PTK2B: variants seen among roughly 807,000 people sequenced by gnomAD.
The protein encoded by PTK2B is protein tyrosine kinase 2 beta, also known as protein-tyrosine kinase 2-beta.
PTK2B carries 71 observed loss-of-function variants against 142.9 expected under a neutral mutation model. The observed-to-expected ratio is 0.50, with a 90% CI of 0.41 to 0.61. The LOEUF is 0.61. PTK2B is among the 20% of genes least tolerant of loss of function. The probability of loss-of-function intolerance (pLI) is 0.00; values close to 1 mark genes in which losing one functional copy is unlikely to be tolerated. For synonymous variants in PTK2B, 519 were observed against 503.4 expected, an observed-to-expected ratio of 1.03 and a Z score of -0.42; for missense variants, 1,105 against 1,320.4, an observed-to-expected ratio of 0.84 and a Z score of 2.53.
At chr8:27,338,990 G>C (rs1424314274) in intron 1 of PTK2B, among the ~76,000 whole-genome samples, 1 of 152,010 alleles carries the variant, frequency 6.6e-6, no homozygotes, top group East Asian at 1.9e-4. Flanking sequence ...AATCAGCCTT[G>C]GTCTTTAATT....
At chr8:27,350,315 C>G (rs1804968918) in intron 1 of PTK2B, among the ~76,000 whole-genome samples, 1 of 152,156 alleles carries the variant, frequency 6.6e-6, no homozygotes, top group Admixed American at 6.5e-5. Flanking sequence ...GTTATTGAAA[C>G]CTTGAAGGTT....
At chr8:27,364,559 G>C (rs1200641953) in intron 1 of PTK2B, among the ~76,000 whole-genome samples, 1 of 152,196 alleles carries the variant, frequency 6.6e-6, no homozygotes, top group Admixed American at 6.5e-5. Context: ...GGTGTGAGGC[G>C]GGGAGACATT....
intron 1 of PTK2B, among the ~76,000 whole-genome samples, chr8:27,361,255 G>C (rs1015924288): frequency 4.3e-4 from 65 of 151,966 alleles, no homozygotes; most frequent in African/African-American, 1.6e-3. Context: ...GTCTTGCTCT[G>C]TTGCCCAGGC....
intron 1 of PTK2B, among the ~76,000 whole-genome samples, chr8:27,373,659 G>T (rs1225575721): frequency 6.6e-6 from 1 of 152,028 alleles, no homozygotes; most frequent in Non-Finnish European, 1.5e-5. Context: ...TCTAGCCTGG[G>T]TGACACAGCA....
chr8:27,387,465 T>C (rs1807437437), intron 1 of PTK2B, among the ~76,000 whole-genome samples: 1 of 152,212 alleles, frequency 6.6e-6, no homozygotes, highest in Non-Finnish European at 1.5e-5. Context: ...CACGGGACAG[T>C]CCTACAACCG....
At chr8:27,311,487 T>C (rs1802971152) in exon 1 of PTK2B, 1 of 551,916 alleles carries the variant, frequency 1.8e-6, no homozygotes, top group Admixed American at 3.7e-5. Flanking sequence ...TGCCCGCAGT[T>C]CCCGCCTCCT....
intron 1 of PTK2B, among the ~76,000 whole-genome samples, chr8:27,383,660 A>G (rs1409452580): frequency 6.6e-6 from 1 of 151,962 alleles, no homozygotes; most frequent in Admixed American, 6.6e-5. Context: ...TTATTTTATT[A>G]TGATTTTTGT....
chr8:27,335,198 G>A (rs945991024), intron 1 of PTK2B, among the ~76,000 whole-genome samples: 2 of 152,172 alleles, frequency 1.3e-5, no homozygotes, highest in Non-Finnish European at 2.9e-5. Flanking sequence ...TGGGAAGCTC[G>A]AGATTTGCAA....
At chr8:27,415,582 G>A (rs1262009687) in intron 2 of PTK2B, among the ~76,000 whole-genome samples, 2 of 152,208 alleles carry the variant, frequency 1.3e-5, no homozygotes, top group African/African-American at 4.8e-5. Context: ...AAACTGTGAT[G>A]AATGAGATCT....
At chr8:27,430,480 T>A (rs2241653) in intron 7 of PTK2B, 62 bp downstream of exon 7, 238,431 of 1,595,956 alleles carry the variant, frequency 0.15, 19,048 homozygotes, top group Admixed American at 0.24. Context: ...GTGTAAGGGA[T>A]GAGGCTGGGG....
intron 2 of PTK2B, among the ~76,000 whole-genome samples, chr8:27,401,452 A>T (rs896016593): frequency 3.9e-5 from 6 of 152,224 alleles, no homozygotes; most frequent in African/African-American, 1.4e-4. Context: ...TGGGGGCAGA[A>T]CACATTGTGC....
Position 27,371,159 on chromosome 8 carries a change from G to A in PTK2B, c.-37-26389G>A, listed in dbSNP as rs1008225830. Among the ~76,000 whole-genome samples the A allele has an allele frequency of 3.3e-5, 5 of 152,260 alleles. No individual in the cohort carries two copies. In the East Asian group the frequency reaches 5.8e-4, roughly 18 times the overall value. On this transcript the variant is annotated intron_variant, in intron 1 of 30. Coordinates refer to ENST00000346049, the MANE Select transcript of PTK2B (RefSeq NM_173176.3). Reference sequence around the variant, plus strand: ...ATACACCCGCCTCAGCCTCCCAAACGCTGGGATTACAGGCATGAGCCAACA... The same window carrying A: ...ATACACCCGCCTCAGCCTCCCAAACACTGGGATTACAGGCATGAGCCAACA...
chr8:27,447,712 TAGTC>T (rs1169241171), intron 24 of PTK2B, among the ~76,000 whole-genome samples: 9 of 151,886 alleles, frequency 5.9e-5, no homozygotes, highest in Admixed American at 1.3e-4. Context: ...TACAAAAAAT[TAGTC>T]AGGCATGGTA....
At chr8:27,442,781 G>C in intron 21 of PTK2B, 94 bp from the exon 22 acceptor site, 1 of 1,059,952 alleles carries the variant, frequency 9.4e-7, no homozygotes, top group Middle Eastern at 2.1e-4. Flanking sequence ...CCTTGCCCAG[G>C]CCTCTCTGGG....
Position 27,445,927 on chromosome 8 carries a change from G to C in PTK2B, c.2340+8G>C, listed in dbSNP as rs745345984. ...AAACGCCACAGCATGCGGGTAAGAG[G>C]GCTCTGCATGCTGGTCCCTGCCCGG... On this transcript the variant is annotated splice_region_variant and intron_variant, in intron 24 of 30. Coordinates refer to ENST00000346049, the MANE Select transcript of PTK2B (RefSeq NM_173176.3). 1 of 1,612,980 alleles carries C rather than the reference G, an allele frequency of 6.2e-7. No homozygotes were observed.
chr8:27,405,869 A>G (rs1213826849), intron 2 of PTK2B, among the ~76,000 whole-genome samples: 2 of 152,226 alleles, frequency 1.3e-5, no homozygotes, highest in Non-Finnish European at 2.9e-5. Flanking sequence ...TTTGTTCTTC[A>G]ATCACTTATT....
At chr8:27,311,249 G>C (rs536206083), upstream of PTK2B, 2 of 1,493,598 alleles carry the variant, frequency 1.3e-6, no homozygotes, top group Non-Finnish European at 8.9e-7. Flanking sequence ...ACGAGCAGCC[G>C]GCTCGGGCGC....
chr8:27,393,416 G>A (rs919491), intron 1 of PTK2B, among the ~76,000 whole-genome samples: 56,374 of 151,976 alleles, frequency 0.37, 11,251 homozygotes, highest in Middle Eastern at 0.5. Flanking sequence ...CTTGAGCTAT[G>A]TTGGTGACTG....
intron 1 of PTK2B, among the ~76,000 whole-genome samples, chr8:27,359,375 C>G (rs1805568837): frequency 6.6e-6 from 1 of 152,202 alleles, no homozygotes; most frequent in Non-Finnish European, 1.5e-5. Flanking sequence ...CTCAGCCTCC[C>G]AAAGTGCTGG....
Sources: allele counts gnomAD v4.1 joint callset (sites outside exome capture counted in the v4.1 genomes callset), GRCh38; gene constraint gnomAD v4.1.1; transcripts MANE v1.5; gene names NCBI Gene and HGNC (gene_info 2026-07-23, HGNC 2026-07-21).